Variants in GMDS observed in about 807,000 individuals in gnomAD.
GMDS encodes GDP-mannose 4,6 dehydratase.
A neutral mutation model predicts 49.9 loss-of-function variants in GMDS; 20 were observed. The observed-to-expected ratio is 0.40, with a 90% confidence interval of 0.28 to 0.58. GMDS has a LOEUF of 0.58. Among genes scored for constraint, GMDS ranks in the 20% least tolerant of loss-of-function variants. The pLI, the probability that GMDS is intolerant of heterozygous loss-of-function variation, is 0.42. For missense variants in GMDS, 362 were observed against 481.4 expected, an observed-to-expected ratio of 0.75 and a Z score of 2.32; for synonymous variants, 177 against 178.6, an observed-to-expected ratio of 0.99 and a Z score of 0.07.
chr6:1,980,465 A>G (rs1411074901), intron 4 of GMDS, among the ~76,000 whole-genome samples: 1 of 152,156 alleles, frequency 6.6e-6, no homozygotes, highest in Admixed American at 6.5e-5. Flanking sequence ...GGCATACATA[A>G]TGGTAAAGGG....
At chr6:2,038,262 T>C (rs1308995131) in intron 4 of GMDS, among the ~76,000 whole-genome samples, 2 of 152,212 alleles carry the variant, frequency 1.3e-5, no homozygotes, top group African/African-American at 4.8e-5. Flanking sequence ...GCTGACAGAC[T>C]GCGAACTGGG....
chr6:2,014,810 T>C (rs1338635444), intron 4 of GMDS, among the ~76,000 whole-genome samples: 1 of 152,098 alleles, frequency 6.6e-6, no homozygotes, highest in African/African-American at 2.4e-5. Flanking sequence ...GACCTGACTA[T>C]ATGTTGTCTA....
intron 6 of GMDS, among the ~76,000 whole-genome samples, chr6:1,932,008 G>A (rs1198192670): frequency 6.6e-6 from 1 of 152,164 alleles, no homozygotes; most frequent in Non-Finnish European, 1.5e-5. Context: ...AAAATGCCAG[G>A]TCTGCAAGGG....
chr6:2,080,311 G>A (rs958402022), intron 4 of GMDS, among the ~76,000 whole-genome samples: 8 of 152,094 alleles, frequency 5.3e-5, no homozygotes, highest in South Asian at 4.1e-4. Context: ...TCAGGATTTC[G>A]TGAATTTCTT....
intron 9 of GMDS, among the ~76,000 whole-genome samples, chr6:1,630,952 A>C (rs930875287): frequency 6.6e-6 from 1 of 152,224 alleles, no homozygotes; most frequent in African/African-American, 2.4e-5. Context: ...CAGTGACCTC[A>C]GCATTCCAGG....
At chr6:2,084,682 A>G (rs958203381) in intron 4 of GMDS, among the ~76,000 whole-genome samples, 7 of 151,752 alleles carry the variant, frequency 4.6e-5, no homozygotes, top group Non-Finnish European at 7.4e-5. Flanking sequence ...AATTTTTTGT[A>G]TTTTTAAATA....
At chr6:2,201,275 G>A (rs1779520321) in intron 1 of GMDS, among the ~76,000 whole-genome samples, 1 of 144,946 alleles carries the variant, frequency 6.9e-6, no homozygotes, top group Non-Finnish European at 1.5e-5. Context: ...AGAGGTGAAG[G>A]ATGAAGACAG....
intron 9 of GMDS, among the ~76,000 whole-genome samples, chr6:1,633,445 C>A (rs1763054849): frequency 1.3e-5 from 2 of 152,122 alleles, no homozygotes. Flanking sequence ...TCATGAAGCC[C>A]ATGTTCTAGG....
intron 4 of GMDS, among the ~76,000 whole-genome samples, chr6:1,991,338 A>C (rs983174945): frequency 6.6e-6 from 1 of 152,080 alleles, no homozygotes; most frequent in Non-Finnish European, 1.5e-5. Flanking sequence ...GGGCCCCCCT[A>C]AAAAGCTCCA....
chr6:1,809,927 T>C (rs1304398297), intron 7 of GMDS, among the ~76,000 whole-genome samples: 1 of 152,142 alleles, frequency 6.6e-6, no homozygotes, highest in African/African-American at 2.4e-5. Context: ...TTTGCACATA[T>C]CAAAGGGTAG....
chr6:1,706,589 A>G (rs1765745332), intron 9 of GMDS, among the ~76,000 whole-genome samples: 1 of 152,196 alleles, frequency 6.6e-6, no homozygotes, highest in Admixed American at 6.5e-5. Flanking sequence ...AGCGGAGGAG[A>G]ACCCCTCGCA....
At chr6:1,674,112 A>C (rs1230533523) in intron 9 of GMDS, among the ~76,000 whole-genome samples, 1 of 150,798 alleles carries the variant, frequency 6.6e-6, no homozygotes, top group East Asian at 1.9e-4. Context: ...ACATTCGTGC[A>C]AAGTGTCTAA....
chr6:2,076,349 G>A (rs1453032960), intron 4 of GMDS, among the ~76,000 whole-genome samples: 1 of 152,118 alleles, frequency 6.6e-6, no homozygotes, highest in Non-Finnish European at 1.5e-5. Context: ...GTAATTTATA[G>A]ATTCAATGCC....
At chr6:1,992,184 T>C (rs897795762) in intron 4 of GMDS, among the ~76,000 whole-genome samples, 1 of 152,200 alleles carries the variant, frequency 6.6e-6, no homozygotes, top group African/African-American at 2.4e-5. Flanking sequence ...CCAAGGGGTA[T>C]TTCTAGCCCA....
rs115376661 is a variant in GMDS at position 2,192,027 on chromosome 6, G to A, written c.102+53294C>T. Among the ~76,000 whole-genome samples, 759 of 152,332 alleles carry A rather than the reference G, an allele frequency of 5.0e-3. 2 individuals carry two copies. The highest frequency in any genetic ancestry group is 0.01 in the Middle Eastern group (3 of 294). On this transcript the variant is annotated intron_variant, in intron 1 of 10. Coordinates refer to ENST00000380815, the MANE Select transcript of GMDS (RefSeq NM_001500.4). ...CCCCGGGCTCAGCTAGAGCAGGGCA[G>A]GGGATGGGGAGAAGATGAGATGACC...
intron 1 of GMDS, among the ~76,000 whole-genome samples, chr6:2,136,682 C>T (rs1776019353): frequency 1.3e-5 from 2 of 152,148 alleles, no homozygotes; most frequent in African/African-American, 4.8e-5. Flanking sequence ...GATCACACCA[C>T]TGCACTCAAC....
chr6:2,072,679 A>T (rs533251621), intron 4 of GMDS, among the ~76,000 whole-genome samples: 1 of 152,310 alleles, frequency 6.6e-6, no homozygotes, highest in South Asian at 2.1e-4. Flanking sequence ...AACAAAATCA[A>T]TAGAAGCCAA....
chr6:1,666,549 G>C (rs2113265989), intron 9 of GMDS, among the ~76,000 whole-genome samples: 1 of 152,264 alleles, frequency 6.6e-6, no homozygotes, highest in South Asian at 2.1e-4. Context: ...CAAAGGTGAA[G>C]TTGAGAAGAC....
intron 4 of GMDS, among the ~76,000 whole-genome samples, chr6:1,996,428 T>C (rs1038786921): frequency 2.0e-5 from 3 of 152,210 alleles, no homozygotes; most frequent in African/African-American, 7.2e-5. Flanking sequence ...AGACTACCTC[T>C]ATTAGAACTA....
Sources: gnomAD v4.1 joint callset for allele counts (sites outside exome capture counted in the v4.1 genomes callset) on GRCh38, gnomAD v4.1.1 for gene constraint, MANE v1.5 for transcripts, NCBI Gene and HGNC (gene_info 2026-07-23, HGNC 2026-07-21) for gene names.